NTRK2: variants seen among roughly 807,000 people sequenced by gnomAD.
NTRK2 encodes BDNF/NT-3 growth factors receptor.
Under a neutral mutation model 94.5 loss-of-function variants are expected in NTRK2, and 13 were observed. That is an observed-to-expected ratio of 0.14 (90% CI 0.09 to 0.22). The LOEUF (loss-of-function observed/expected upper bound fraction) is 0.22, where lower values mean the gene tolerates loss of function less well. Ranked by LOEUF, NTRK2 falls within the 10% of genes least tolerant of loss-of-function variation. NTRK2 has a pLI of 1.00. For synonymous variants in NTRK2, 372 were observed against 407.4 expected, an observed-to-expected ratio of 0.91 and a Z score of 1.05; for missense variants, 639 against 1,071.2, an observed-to-expected ratio of 0.60 and a Z score of 5.63.
intron 14 of NTRK2, chr9:84,872,798 A>T: frequency 2.8e-6 from 3 of 1,064,548 alleles, no homozygotes; most frequent in Non-Finnish European, 3.4e-6. Flanking sequence ...ACAGATTCAT[A>T]GGCCAGCTAG....
At chr9:84,767,668 G>T (rs2066163292) in intron 12 of NTRK2, among the ~76,000 whole-genome samples, 1 of 152,232 alleles carries the variant, frequency 6.6e-6, no homozygotes, top group Non-Finnish European at 1.5e-5. Context: ...TTGGAAAATA[G>T]TTGATTGGCT....
In NTRK2 at chr9:84,723,643, T is replaced by C. The variant is rs2062227572; in HGVS notation, c.654T>C (p.Cys218=). ...AAGGAAAGTCTATCACATTATCCTG[T>C]AGTGTGGCAGGTGATCCGGTTCCTA... ...VEEGKSITLS[C]SVAGDPVPNM... is the part of the protein sequence containing the mutation. Residue 218 remains cysteine (C), a synonymous_variant, in exon 7 of 19, where the codon TGT becomes TGC. Coordinates refer to ENST00000277120, the MANE Select transcript of NTRK2 (RefSeq NM_006180.6). 1.2e-6 allele frequency: 2 copies of C among 1,614,140 alleles called. No homozygotes were observed. Among genetic ancestry groups the C allele is most frequent in the Non-Finnish European group, 1.7e-6 (2 of 1,179,970 alleles).
intron 2 of NTRK2, among the ~76,000 whole-genome samples, chr9:84,678,341 T>G (rs1216671890): frequency 6.6e-6 from 1 of 152,234 alleles, no homozygotes; most frequent in Non-Finnish European, 1.5e-5. Flanking sequence ...TGTGTCTATC[T>G]TCTGATTCTT....
chr9:84,797,544 TA>T (rs1215219138), intron 12 of NTRK2, among the ~76,000 whole-genome samples: 19 of 46,964 alleles, frequency 4.0e-4, no homozygotes, highest in Admixed American at 1.7e-3. Flanking sequence ...GTATATATAA[TA>T]TATATATTAT....
At chr9:84,817,163 T>G (rs1353569731) in intron 12 of NTRK2, among the ~76,000 whole-genome samples, 1 of 152,206 alleles carries the variant, frequency 6.6e-6, no homozygotes, top group African/African-American at 2.4e-5. Context: ...TGCTAATAAC[T>G]AATACTTCAA....
intron 12 of NTRK2, among the ~76,000 whole-genome samples, chr9:84,769,846 C>G (rs1377950536): frequency 1.3e-5 from 2 of 152,118 alleles, no homozygotes; most frequent in Non-Finnish European, 2.9e-5. Flanking sequence ...CAAACTTATT[C>G]CTTTATAAAT....
chr9:84,808,327 A>G (rs184119953), intron 12 of NTRK2, among the ~76,000 whole-genome samples: 1 of 152,328 alleles, frequency 6.6e-6, no homozygotes, highest in African/African-American at 2.4e-5. Context: ...ACATGCTGGG[A>G]TTAGTAAACT....
rs753906461 is a variant in NTRK2, at chr9:84,744,957, C to T, written c.1196-16C>T. The T allele has an allele frequency of 2.3e-5, 36 of 1,581,902 alleles. No homozygotes were observed. The highest frequency in any genetic ancestry group is 3.0e-5 in the Non-Finnish European group (35 of 1,150,916). Reference sequence around the variant, plus strand: ...CAACTTCATGTTCTTCCTCATTCCCCCTTTGCCCACTTAAGATTATGGAAC... The same window carrying T: ...CAACTTCATGTTCTTCCTCATTCCCTCTTTGCCCACTTAAGATTATGGAAC... On this transcript the variant is annotated splice_polypyrimidine_tract_variant and intron_variant, in intron 10 of 18. Coordinates refer to ENST00000277120, the MANE Select transcript of NTRK2 (RefSeq NM_006180.6).
At chr9:84,700,787 G>A (rs767733287) in intron 2 of NTRK2, among the ~76,000 whole-genome samples, 2 of 152,040 alleles carry the variant, frequency 1.3e-5, no homozygotes, top group Non-Finnish European at 2.9e-5. Context: ...TGTTTTCAGT[G>A]TCTTAATTGG....
chr9:85,021,236 T>C lies in NTRK2; in HGVS notation c.2332-16T>C, dbSNP rs1189874421. 1 of 1,613,166 alleles carries C rather than the reference T, an allele frequency of 6.2e-7. No homozygotes were observed. ...GCTTTTCCTCCTGTCTCATCCTATC[T>C]TTGATCTCCATCCAGGTGATAGAGT... is the stretch of plus-strand genomic sequence containing the variant. On this transcript the variant is annotated splice_polypyrimidine_tract_variant and intron_variant, in intron 18 of 18. Transcript: ENST00000277120.
At chr9:84,697,302 C>T (rs1044733713) in intron 2 of NTRK2, among the ~76,000 whole-genome samples, 10 of 152,034 alleles carry the variant, frequency 6.6e-5, no homozygotes, top group Admixed American at 2.6e-4. Flanking sequence ...GCTCTGGGGG[C>T]GGAGGGGCTG....
At chr9:84,912,874 C>T (rs1302322360) in intron 14 of NTRK2, among the ~76,000 whole-genome samples, 1 of 152,134 alleles carries the variant, frequency 6.6e-6, no homozygotes, top group African/African-American at 2.4e-5. Flanking sequence ...CCTCGGCCTC[C>T]CAAAGTGCTG....
At chr9:84,771,752 C>CT (rs979930732) in intron 12 of NTRK2, among the ~76,000 whole-genome samples, 8 of 152,092 alleles carry the variant, frequency 5.3e-5, no homozygotes, top group Non-Finnish European at 4.4e-5. Context: ...GACAAAGTCC[C>CT]TTTTTAGTAA....
intron 8 of NTRK2, among the ~76,000 whole-genome samples, chr9:84,725,724 A>G (rs541456675): frequency 6.6e-6 from 1 of 150,866 alleles, no homozygotes; most frequent in East Asian, 1.9e-4. Flanking sequence ...TTTTAATTGA[A>G]TTTTTATAGA....
intron 6 of NTRK2, among the ~76,000 whole-genome samples, chr9:84,713,605 A>G (rs1278474386): frequency 2.0e-5 from 3 of 152,142 alleles, no homozygotes; most frequent in Admixed American, 6.5e-5. Context: ...AATTAAAAAA[A>G]TAAAATCAAG....
intron 12 of NTRK2, among the ~76,000 whole-genome samples, chr9:84,773,987 C>T (rs1009492777): frequency 2.0e-5 from 3 of 152,190 alleles, no homozygotes; most frequent in East Asian, 1.9e-4. Context: ...TGGCTCCTAA[C>T]GTCAAGTCTG....
At chr9:84,720,475 CAA>C (rs900784310) in intron 6 of NTRK2, among the ~76,000 whole-genome samples, 10 of 152,288 alleles carry the variant, frequency 6.6e-5, no homozygotes, top group African/African-American at 2.4e-4. Flanking sequence ...CCCCCTTCCT[CAA>C]AATGATTTCA....
chr9:84,821,949 T>A (rs958927025), intron 12 of NTRK2, among the ~76,000 whole-genome samples: 1 of 152,158 alleles, frequency 6.6e-6, no homozygotes, highest in Admixed American at 6.6e-5. Flanking sequence ...TTTTTCTGCC[T>A]TTCAACAAAA....
chr9:84,924,229 T>TGGAAAGAAAGAA (rs1418865491), intron 14 of NTRK2, among the ~76,000 whole-genome samples: 4 of 115,578 alleles, frequency 3.5e-5, no homozygotes, highest in African/African-American at 1.4e-4. Context: ...AGAAAGAAAG[T>TGGAAAGAAAGAA]AGAAAGAAAG....
Sources: gnomAD v4.1 joint callset for allele counts (sites outside exome capture counted in the v4.1 genomes callset) on GRCh38, gnomAD v4.1.1 for gene constraint, MANE v1.5 for transcripts, NCBI Gene and HGNC (gene_info 2026-07-23, HGNC 2026-07-21) for gene names.